The following SNX2 variants were observed in gnomAD, a reference collection of about 807,000 sequenced individuals.
SNX2 encodes the protein sorting nexin-2.
A neutral mutation model predicts 69.9 loss-of-function variants in SNX2; 25 were observed. That is an observed-to-expected ratio of 0.36 (90% confidence interval 0.26 to 0.50). The LOEUF is 0.50. Among genes scored for constraint, SNX2 ranks in the 20% least tolerant of loss-of-function variants. The pLI, the probability that SNX2 is intolerant of heterozygous loss-of-function variation, is 0.97. For missense variants in SNX2, 551 were observed against 613.3 expected, an observed-to-expected ratio of 0.90 and a Z score of 1.07; for synonymous variants, 229 against 200.4, an observed-to-expected ratio of 1.14 and a Z score of -1.20.
At position 122,831,207 on chromosome 5, in the gene SNX2, G is replaced by A. The variant is rs1754282447; in HGVS notation, c.*1559G>A. Among the ~76,000 whole-genome samples the A allele has an allele frequency of 6.6e-6, 1 of 152,136 alleles. No homozygotes were observed. The highest frequency in any genetic ancestry group is 2.4e-5 in the African/African-American group (1 of 41,420). On this transcript the variant is annotated 3_prime_UTR_variant, in exon 15 of 15. Coordinates refer to ENST00000379516, the MANE Select transcript of SNX2 (RefSeq NM_003100.4). Reference sequence around the variant, plus strand: ...TTATATATCGAAGTATCCTTAGCATGTGTTTGCTTCTGCTTTAGTTGAAAT... The same window carrying A: ...TTATATATCGAAGTATCCTTAGCATATGTTTGCTTCTGCTTTAGTTGAAAT...
Position 122,789,474 on chromosome 5 carries a change from G to GACACACACAC in SNX2, c.109-5771_109-5762dup, listed in dbSNP as rs60199625. ...ACACACACACACACAGACACACACG[G>GACACACACAC]ACACACACACACACACACACACACA... On this transcript the variant is annotated intron_variant, in intron 1 of 14. Transcript: ENST00000379516. Among the ~76,000 whole-genome samples, 962 of 144,692 alleles carry GACACACACAC rather than the reference G, an allele frequency of 6.6e-3. 10 individuals carry two copies. The highest frequency in any genetic ancestry group is 5.5e-3 in the African/African-American group (216 of 39,324). The allele number at this position is 144,692 out of a possible 152,430, so 94.9% of individuals were successfully genotyped here. A position where few individuals can be genotyped will look rare whatever the true frequency, so the allele number is the denominator to read the frequency against.
Position 122,832,012 on chromosome 5 carries a change from C to T in SNX2, c.*2364C>T, listed in dbSNP as rs1754301867. ...TTTCAACACTTCACCCATCAATCTTCACTTCTCCTGTTCAGATAAAAATGC... is the reference window on the plus strand; with the variant it reads ...TTTCAACACTTCACCCATCAATCTTTACTTCTCCTGTTCAGATAAAAATGC... On this transcript the variant is annotated 3_prime_UTR_variant, in exon 15 of 15. Transcript: ENST00000379516. Among the ~76,000 whole-genome samples the T allele has an allele frequency of 1.3e-5, 2 of 152,182 alleles. No individual in the cohort carries two copies. Among genetic ancestry groups the T allele is most frequent in the South Asian group, 4.1e-4 (2 of 4,828 alleles).
At chr5:122,816,880 C>G (rs1217384174) in intron 8 of SNX2, 35 bp from the exon 9 acceptor site, 2 of 1,327,898 alleles carry the variant, frequency 1.5e-6, no homozygotes, top group South Asian at 2.4e-5. Context: ...GGCTTTTAAC[C>G]GGTTTGTTTG....
Position 122,826,124 on chromosome 5 carries a change from A to C in SNX2, c.1287A>C (p.Glu429Asp). ...DAQITLLKKR[E>D]AEAKMMVANK... ...AAATTACTTTGCTCAAAAAACGTGA[A>C]GCTGAAGCAAAAATGATGGTTGCTA... is the stretch of plus-strand genomic sequence containing the variant. Residue 429 changes from glutamate (E) to aspartate (D), a missense_variant, in exon 12 of 15, where the codon GAA (glutamate) becomes GAC (aspartate). Physicochemically the swap from Glu to Asp is conservative, Grantham distance 45 (BLOSUM62 2). This residue lies in a region of SNX2 where 360 missense variants were observed against 450.4 expected (regional missense o/e 0.80). Transcript: ENST00000379516. 6.2e-7 allele frequency: 1 copy of C among 1,613,346 alleles called. No homozygotes were observed. The highest frequency in any genetic ancestry group is 8.5e-7 in the Non-Finnish European group (1 of 1,179,472).
chr5:122,786,086 G>A (rs1753081217), intron 1 of SNX2, among the ~76,000 whole-genome samples: 1 of 152,000 alleles, frequency 6.6e-6, no homozygotes, highest in Non-Finnish European at 1.5e-5. Context: ...TTGTCTTCTT[G>A]GTAAATTGAC....
chr5:122,787,341 G>A (rs1275540293), intron 1 of SNX2, among the ~76,000 whole-genome samples: 5 of 152,176 alleles, frequency 3.3e-5, no homozygotes, highest in African/African-American at 1.2e-4. Flanking sequence ...CCAACATGGT[G>A]AAGCCCTGTC....
chr5:122,801,052 A>G (rs1207189558), intron 3 of SNX2, among the ~76,000 whole-genome samples: 1 of 152,186 alleles, frequency 6.6e-6, no homozygotes, highest in Non-Finnish European at 1.5e-5. Flanking sequence ...TTAGATAATT[A>G]GAGAAATCTT....
chr5:122,786,992 G>A (rs1364298455), intron 1 of SNX2, among the ~76,000 whole-genome samples: 1 of 152,178 alleles, frequency 6.6e-6, no homozygotes, highest in Non-Finnish European at 1.5e-5. Context: ...TAAGAATACA[G>A]ATGTCTACTC....
At chr5:122,806,142 G>GCACGCGCACACACACA (rs1554063175) in intron 6 of SNX2, among the ~76,000 whole-genome samples, 128 of 130,656 alleles carry the variant, frequency 9.8e-4, no homozygotes, top group African/African-American at 3.4e-3. Flanking sequence ...ACACGCGCGC[G>GCACGCGCACACACACA]CACACACACA....
intron 1 of SNX2, among the ~76,000 whole-genome samples, chr5:122,784,146 T>G (rs1469764062): frequency 6.6e-6 from 1 of 151,874 alleles, no homozygotes; most frequent in African/African-American, 2.4e-5. Flanking sequence ...AGTCCGATGA[T>G]TTTCTGTGTA....
At chr5:122,808,217 T>A (rs1037104429) in intron 6 of SNX2, 60 bp from the exon 7 acceptor site, 4 of 1,063,842 alleles carry the variant, frequency 3.8e-6, no homozygotes, top group South Asian at 1.5e-5. Context: ...GAAGAAATGA[T>A]TATGAAAGAC....
Position 122,801,854 on chromosome 5 carries a change from A to T in SNX2, c.391-15A>T, listed in dbSNP as rs1333404651. On this transcript the variant is annotated splice_polypyrimidine_tract_variant and intron_variant, in intron 3 of 14. Transcript: ENST00000379516. ...TTATAATTTTTAATGCCAAAAAATA[A>T]TTTATACTTTCTAGATTGAAGAAGA... The T allele has an allele frequency of 6.8e-7, 1 of 1,480,222 alleles. No individual in the cohort carries two copies. Among genetic ancestry groups the T allele is most frequent in the South Asian group, 1.2e-5 (1 of 81,962 alleles). 91.7% of individuals were successfully genotyped at this position (1,480,222 alleles called of 1,614,324 possible).
chr5:122,790,411 G>A (rs961300796), intron 1 of SNX2, among the ~76,000 whole-genome samples: 15 of 152,000 alleles, frequency 9.9e-5, no homozygotes, highest in African/African-American at 2.9e-4. Flanking sequence ...GTGAGCCACC[G>A]TGCCTGGCCG....
At position 122,829,775 on chromosome 5, in the gene SNX2, T is replaced by TACACAC. The variant is rs3990570; in HGVS notation, c.*158_*163dup. 1,853 of 525,564 alleles carry TACACAC rather than the reference T, an allele frequency of 3.5e-3. 7 individuals are homozygous for TACACAC. Among genetic ancestry groups the TACACAC allele is most frequent in the South Asian group, 0.011 (512 of 47,332 alleles). 32.6% of individuals were successfully genotyped at this position (525,564 alleles called of 1,614,324 possible). A position where few individuals can be genotyped will look rare whatever the true frequency, so the allele number is the denominator to read the frequency against. The stretch of plus-strand genomic sequence containing the variant: ...TTTATGAATTACATGTGGTTTTATA[T>TACACAC]ACACACACACACACACACACACACA... On this transcript the variant is annotated 3_prime_UTR_variant, in exon 15 of 15. Transcript: ENST00000379516.
chr5:122,775,219 C>T lies in SNX2; in HGVS notation c.108+8C>T, dbSNP rs927963737. On this transcript the variant is annotated splice_region_variant and intron_variant, in intron 1 of 14. Transcript: ENST00000379516. Reference sequence around the variant, plus strand: ...ACTGTCTCCACCCTAGAGGTGAGACCGCGTCGCTGCGGGTGCTGCGCTGCG... The same window carrying T: ...ACTGTCTCCACCCTAGAGGTGAGACTGCGTCGCTGCGGGTGCTGCGCTGCG... 1 of 1,549,148 alleles carries T rather than the reference C, an allele frequency of 6.5e-7. No homozygotes were observed. The highest frequency in any genetic ancestry group is 1.4e-5 in the African/African-American group (1 of 73,298).
At chr5:122,810,339 A>G (rs1433834484) in intron 7 of SNX2, among the ~76,000 whole-genome samples, 3 of 141,012 alleles carry the variant, frequency 2.1e-5, no homozygotes, top group Non-Finnish European at 4.5e-5. Context: ...CCTTCCCTCC[A>G]CTATTGTCCT....
intron 11 of SNX2, 123 bp downstream of exon 11, chr5:122,819,146 A>G: frequency 1.4e-6 from 1 of 690,164 alleles, no homozygotes; most frequent in Non-Finnish European, 2.4e-6. Flanking sequence ...AATGGCTTCA[A>G]GATAAGTATA....
rs1035337544 is a variant in SNX2, at chr5:122,789,013, T to C, written c.109-6253T>C. On this transcript the variant is annotated intron_variant, in intron 1 of 14. Transcript: ENST00000379516. ...TATATCTTAAACATCCCAAATGTTA[T>C]ATTGTGTAGGCTCTGCATCCTGTTA... Among the ~76,000 whole-genome samples the C allele has an allele frequency of 3.9e-5, 6 of 152,366 alleles. No individual in the cohort carries two copies. The South Asian group carries it at 1.0e-3, about 26-fold the overall frequency.
At chr5:122,788,014 T>G (rs866407300) in intron 1 of SNX2, among the ~76,000 whole-genome samples, 1 of 152,254 alleles carries the variant, frequency 6.6e-6, no homozygotes. Flanking sequence ...CAAGGTTTGC[T>G]CTTGTAATTT....
Sources: allele counts gnomAD v4.1 joint callset (sites outside exome capture counted in the v4.1 genomes callset), GRCh38; gene constraint gnomAD v4.1.1; regional missense constraint gnomAD v4.1.1; transcripts MANE v1.5; gene names NCBI Gene and HGNC (gene_info 2026-07-23, HGNC 2026-07-21).